LYPLA1: variants seen among roughly 807,000 people sequenced by gnomAD.
LYPLA1 encodes lysophospholipase 1.
Under a neutral mutation model 34.0 loss-of-function variants are expected in LYPLA1, and 17 were observed. The ratio of observed to expected loss-of-function variants is 0.50; its 90% CI spans 0.34 to 0.75. The LOEUF is 0.75. Ranked by LOEUF, LYPLA1 falls within the 30% of genes least tolerant of loss-of-function variation. The pLI, the probability that LYPLA1 is intolerant of heterozygous loss-of-function variation, is 0.01. For synonymous variants in LYPLA1, 98 were observed against 100.8 expected (o/e 0.97, Z 0.17); for missense variants, 203 against 288.8 (o/e 0.70, Z 2.15).
chr8:54,090,665 C>T (rs1288456865), intron 2 of LYPLA1, among the ~76,000 whole-genome samples: 1 of 152,170 alleles, frequency 6.6e-6, no homozygotes. Context: ...CCCCCCTGGA[C>T]CCAGCTTTCA....
intron 2 of LYPLA1, among the ~76,000 whole-genome samples, chr8:54,078,445 A>G (rs1808064957): frequency 6.6e-6 from 1 of 152,238 alleles, no homozygotes. Flanking sequence ...ACTAAAGTAT[A>G]CATGGTCCCC....
chr8:54,097,702 A>G (rs1586188555), intron 2 of LYPLA1, among the ~76,000 whole-genome samples: 1 of 152,338 alleles, frequency 6.6e-6, no homozygotes, highest in African/African-American at 2.4e-5. Context: ...TCCAGAAATA[A>G]ACAGTGGGGG....
At chr8:54,052,566 A>T (rs1805917824) in intron 7 of LYPLA1, 89 bp downstream of exon 7, 5 of 750,648 alleles carry the variant, frequency 6.7e-6, no homozygotes, top group South Asian at 1.9e-5. Flanking sequence ...GTTTATTAAT[A>T]AAAAAAAATA....
At chr8:54,091,051 TA>T (rs1317063986) in intron 2 of LYPLA1, among the ~76,000 whole-genome samples, 1 of 152,190 alleles carries the variant, frequency 6.6e-6, no homozygotes. Flanking sequence ...GCAAGAGAAC[TA>T]ATACACAGGG....
chr8:54,079,083 T>G (rs1017595435), intron 2 of LYPLA1, among the ~76,000 whole-genome samples: 1 of 152,102 alleles, frequency 6.6e-6, no homozygotes, highest in African/African-American at 2.4e-5. Context: ...GTCCAAGCAA[T>G]TCTCGTGCCT....
intron 4 of LYPLA1, 101 bp downstream of exon 4, chr8:54,063,227 T>C (rs1161856066): frequency 9.3e-6 from 7 of 753,776 alleles, no homozygotes; most frequent in Non-Finnish European, 1.5e-5. Context: ...ACTTTGCAAT[T>C]TAAAAAACAG....
Position 54,046,673 on chromosome 8 carries a change from A to T in LYPLA1, c.*1392T>A, listed in dbSNP as rs1200213815. 6.6e-6 allele frequency: 1 copy of T among 152,554 alleles called. No individual in the cohort carries two copies. The highest frequency in any genetic ancestry group is 1.9e-4 in the East Asian group (1 of 5,200). 9.5% of individuals were successfully genotyped at this position (152,554 alleles called of 1,614,324 possible). A position where few individuals can be genotyped will look rare whatever the true frequency, so the allele number is the denominator to read the frequency against. Reference sequence around the variant, plus strand: ...CACCCATTTATAAAGATGCATTCTTAATATTGTTTTGGTCAGCTGGAATAC... The same window carrying T: ...CACCCATTTATAAAGATGCATTCTTTATATTGTTTTGGTCAGCTGGAATAC... On this transcript the variant is annotated 3_prime_UTR_variant, in exon 9 of 9. Coordinates refer to ENST00000316963, the MANE Select transcript of LYPLA1 (RefSeq NM_006330.4).
At chr8:54,094,547 G>A (rs1216100587) in intron 2 of LYPLA1, among the ~76,000 whole-genome samples, 1 of 152,158 alleles carries the variant, frequency 6.6e-6, no homozygotes, top group African/African-American at 2.4e-5. Context: ...TCAAGATTTT[G>A]AATACTTATA....
chr8:54,061,648 G>A lies in LYPLA1; in HGVS notation c.286+606C>T, dbSNP rs1806643464. On this transcript the variant is annotated intron_variant, in intron 5 of 8. Coordinates refer to ENST00000316963, the MANE Select transcript of LYPLA1 (RefSeq NM_006330.4). ...TTAAAACCTGGCGGGGCATGGTGGT[G>A]TGCGCCTCCATGGTCCCAGCCTACT... Among the ~76,000 whole-genome samples, 3 of 152,024 alleles carry A rather than the reference G, an allele frequency of 2.0e-5. No homozygotes were observed. The South Asian group carries it at 6.2e-4, about 31-fold the overall frequency.
chr8:54,073,952 T>A (rs915536856), intron 2 of LYPLA1, among the ~76,000 whole-genome samples: 1 of 152,130 alleles, frequency 6.6e-6, no homozygotes, highest in Middle Eastern at 3.2e-3. Flanking sequence ...GTAGAGGTGA[T>A]CAAAATCAAT....
intron 2 of LYPLA1, among the ~76,000 whole-genome samples, chr8:54,077,613 T>C (rs1808003118): frequency 6.6e-6 from 1 of 152,162 alleles, no homozygotes; most frequent in Non-Finnish European, 1.5e-5. Context: ...CTGGCCAACA[T>C]GGCGAAACCC....
chr8:54,081,685 G>C (rs7001391), intron 2 of LYPLA1, among the ~76,000 whole-genome samples: 19,617 of 151,326 alleles, frequency 0.13, 3,370 homozygotes, highest in African/African-American at 0.4. Flanking sequence ...AAAGTGCTGG[G>C]ATTACAGGCG....
intron 2 of LYPLA1, among the ~76,000 whole-genome samples, chr8:54,091,488 A>AAAAAG (rs1174255787): frequency 1.6e-4 from 24 of 151,814 alleles, no homozygotes; most frequent in Admixed American, 3.9e-4. Context: ...ACTGTCTCAA[A>AAAAAG]AAAAGAAAAG....
In LYPLA1 at chr8:54,047,595, T is replaced by C. The variant is rs1451637737; in HGVS notation, c.*470A>G. ...CTTATTATGTATTATAATCATTATG[T>C]ATATATGAACACATATATAAAAATA... On this transcript the variant is annotated 3_prime_UTR_variant, in exon 9 of 9. Transcript: ENST00000316963. 6 of 152,542 alleles carry C rather than the reference T, an allele frequency of 3.9e-5. No individual in the cohort carries two copies. The East Asian group carries it at 1.2e-3, about 29-fold the overall frequency. The allele number at this position is 152,542 out of a possible 1,614,324, so 9.4% of individuals were successfully genotyped here.
At chr8:54,065,099 G>A (rs1806952826) in intron 3 of LYPLA1, among the ~76,000 whole-genome samples, 1 of 152,230 alleles carries the variant, frequency 6.6e-6, no homozygotes, top group Middle Eastern at 3.4e-3. Context: ...TAAAATTAAA[G>A]AGTGTTTTCA....
At chr8:54,072,979 G>T in intron 2 of LYPLA1, 2 of 334,510 alleles carry the variant, frequency 6.0e-6, no homozygotes, top group Non-Finnish European at 1.2e-5. Context: ...ACAAGCATAT[G>T]AAAACATGCT....
chr8:54,078,356 C>A (rs771096120), intron 2 of LYPLA1, among the ~76,000 whole-genome samples: 2 of 152,096 alleles, frequency 1.3e-5, no homozygotes, highest in African/African-American at 4.8e-5. Flanking sequence ...GTTCTTACAC[C>A]AAACCAATCT....
chr8:54,100,942 A>G lies in LYPLA1; in HGVS notation c.70-3T>C, dbSNP rs768889395. ...CCCAATCCATGCAGGAAAATCACCTATAAGAGAAGAGGAAAATTAATAAGC... is the reference window on the plus strand; with the variant it reads ...CCCAATCCATGCAGGAAAATCACCTGTAAGAGAAGAGGAAAATTAATAAGC... On this transcript the variant is annotated splice_polypyrimidine_tract_variant and splice_region_variant and intron_variant, in intron 1 of 8. Transcript: ENST00000316963. 142 of 1,608,016 alleles carry G rather than the reference A, an allele frequency of 8.8e-5. No homozygotes were observed. The highest frequency in any genetic ancestry group is 1.1e-4 in the Non-Finnish European group (128 of 1,174,610).
intron 2 of LYPLA1, among the ~76,000 whole-genome samples, chr8:54,098,393 T>TTCAGGCCAGGCATGGTGGC (rs1809852478): frequency 6.6e-6 from 1 of 151,978 alleles, no homozygotes; most frequent in African/African-American, 2.4e-5. Flanking sequence ...TGGTGTACAA[T>TTCAGGCCAGGCATGGTGGC]TCAGGCCAGG....
Sources: allele counts gnomAD v4.1 joint callset (sites outside exome capture counted in the v4.1 genomes callset), GRCh38; gene constraint gnomAD v4.1.1; transcripts MANE v1.5; gene names NCBI Gene and HGNC (gene_info 2026-07-23, HGNC 2026-07-21).